ATP2C2: variants seen among roughly 807,000 people sequenced by gnomAD.
The protein encoded by ATP2C2 is calcium-transporting ATPase type 2C member 2.
ATP2C2 carries 171 observed loss-of-function variants against 110.8 expected under a neutral mutation model. The ratio of observed to expected loss-of-function variants is 1.54; its 90% CI spans 1.36 to 1.75. The LOEUF is 1.75. Among genes scored for constraint, ATP2C2 ranks in the 40% most tolerant of loss-of-function variants. The pLI, the probability that ATP2C2 is intolerant of heterozygous loss-of-function variation, is 0.00. For missense variants in ATP2C2, 1,963 were observed against 1,235.0 expected (o/e 1.59, Z -8.84); for synonymous variants, 804 against 508.4 (o/e 1.58, Z -7.82).
At chr16:84,387,774 G>A (rs1196409883) in intron 1 of ATP2C2, among the ~76,000 whole-genome samples, 1 of 152,010 alleles carries the variant, frequency 6.6e-6, no homozygotes, top group Non-Finnish European at 1.5e-5. Flanking sequence ...ACAGCTCTGG[G>A]TACATTTTAG....
Position 84,368,710 on chromosome 16 carries a change from C to G in ATP2C2, c.95C>G (p.Ala32Gly), listed in dbSNP as rs367638985. ...YQALEKDEEEALIDEQSELKA... is the reference protein window; with the variant it reads ...YQALEKDEEEGLIDEQSELKA... Reference sequence around the variant, plus strand: ...GCGCTGGAGAAGGACGAAGAGGAAGCCTTGGTGAGTCCCCGCGACTCCGCG... The same window carrying G: ...GCGCTGGAGAAGGACGAAGAGGAAGGCTTGGTGAGTCCCCGCGACTCCGCG... Residue 32 changes from alanine to glycine, a missense_variant, in exon 1 of 27, where the codon GCC becomes GGC. Physicochemically the swap from Ala to Gly is moderately conservative, Grantham distance 60. Transcript: ENST00000262429. 3.9e-6 allele frequency: 6 copies of G among 1,539,548 alleles called. No homozygotes were observed. The African/African-American group carries it at 8.6e-5, about 22-fold the overall frequency.
intron 1 of ATP2C2, 69 bp downstream of exon 1, chr16:84,368,783 G>A (rs1011081205): frequency 7.0e-6 from 9 of 1,284,152 alleles, no homozygotes; most frequent in Non-Finnish European, 8.4e-6. Context: ...AACCGTCCCC[G>A]GCCCGAGACC....
At chr16:84,413,098 CAAAA>C (rs35993245) in intron 6 of ATP2C2, among the ~76,000 whole-genome samples, 7 of 129,966 alleles carry the variant, frequency 5.4e-5, no homozygotes, top group Admixed American at 8.0e-5. Flanking sequence ...AACTCTGTCT[CAAAA>C]AAAAAAAAAA....
intron 1 of ATP2C2, among the ~76,000 whole-genome samples, chr16:84,387,309 C>T (rs7198847): frequency 0.18 from 27,511 of 152,044 alleles, 2,676 homozygotes; most frequent in South Asian, 0.29. Context: ...ATCACCTAAA[C>T]TCAGGAATTC....
At chr16:84,388,662 C>G (rs142134639) in intron 1 of ATP2C2, among the ~76,000 whole-genome samples, 1 of 152,330 alleles carries the variant, frequency 6.6e-6, no homozygotes, top group African/African-American at 2.4e-5. Context: ...GAAGCCCACT[C>G]GATTGTTTTG....
At chr16:84,452,639 C>T (rs1272731109) in intron 18 of ATP2C2, among the ~76,000 whole-genome samples, 1 of 151,792 alleles carries the variant, frequency 6.6e-6, no homozygotes, top group Non-Finnish European at 1.5e-5. Context: ...GCTGGGACTA[C>T]AGGCACCCAC....
chr16:84,443,436 C>A (rs1909452698), intron 15 of ATP2C2, among the ~76,000 whole-genome samples: 1 of 152,120 alleles, frequency 6.6e-6, no homozygotes. Flanking sequence ...TGATCAGAAC[C>A]CTCTCCATCA....
intron 11 of ATP2C2, chr16:84,426,051 T>A (rs1245887332): frequency 2.8e-6 from 1 of 358,880 alleles, no homozygotes; most frequent in Non-Finnish European, 5.1e-6. Context: ...CTTGCATTGC[T>A]AAAAAAAAAA....
chr16:84,439,546 A>G (rs1909056603), intron 13 of ATP2C2, 22 bp downstream of exon 13: 2 of 1,610,318 alleles, frequency 1.2e-6, no homozygotes, highest in South Asian at 1.1e-5. Flanking sequence ...AGGAATTTAC[A>G]AGCCTTAAGG....
chr16:84,375,622 G>A (rs930377240), intron 1 of ATP2C2, among the ~76,000 whole-genome samples: 3 of 152,058 alleles, frequency 2.0e-5, no homozygotes, highest in Admixed American at 2.0e-4. Context: ...GCTCACCCAC[G>A]TGGATTCCAC....
chr16:84,440,739 C>G, intron 13 of ATP2C2, 118 bp from the exon 14 acceptor site: 1 of 729,710 alleles, frequency 1.4e-6, no homozygotes, highest in East Asian at 2.7e-5. Context: ...TACTGAAAGC[C>G]CTGTCCACGT....
rs577184104 is a variant in ATP2C2, at chr16:84,427,106, C to T, written c.986+1305C>T. ...CCCATGTCTAGGCTCATGTCAGGCCCATTGGTTCCCAGACAGTAACGCACA... is the reference window on the plus strand; with the variant it reads ...CCCATGTCTAGGCTCATGTCAGGCCTATTGGTTCCCAGACAGTAACGCACA... On this transcript the variant is annotated intron_variant, in intron 11 of 26. Transcript: ENST00000262429. Among the ~76,000 whole-genome samples, 4 of 152,304 alleles carry T rather than the reference C, an allele frequency of 2.6e-5. No homozygotes were observed. In the East Asian group the frequency reaches 5.8e-4, roughly 22 times the overall value.
intron 7 of ATP2C2, among the ~76,000 whole-genome samples, chr16:84,422,017 A>G (rs907516644): frequency 6.6e-6 from 1 of 152,052 alleles, no homozygotes; most frequent in African/African-American, 2.4e-5. Context: ...ATTGTGTGGG[A>G]TTGTGTGGGA....
intron 21 of ATP2C2, among the ~76,000 whole-genome samples, chr16:84,458,653 A>G (rs369387586): frequency 6.6e-6 from 1 of 152,226 alleles, no homozygotes; most frequent in Non-Finnish European, 1.5e-5. Context: ...GCTTCCGCGA[A>G]GAGCCTTCTA....
At chr16:84,417,273 G>A (rs1906925569) in intron 7 of ATP2C2, among the ~76,000 whole-genome samples, 1 of 152,150 alleles carries the variant, frequency 6.6e-6, no homozygotes, top group South Asian at 2.1e-4. Flanking sequence ...TGCAGTGTGT[G>A]TTGGAAGTCA....
At chr16:84,461,840 G>A in intron 25 of ATP2C2, 28 bp downstream of exon 25, 2 of 1,610,472 alleles carry the variant, frequency 1.2e-6, no homozygotes, top group Non-Finnish European at 1.7e-6. Flanking sequence ...CCTCCTCGCT[G>A]CAGAGCTGCT....
At chr16:84,451,354 A>T (rs953113091) in intron 17 of ATP2C2, among the ~76,000 whole-genome samples, 4 of 152,208 alleles carry the variant, frequency 2.6e-5, no homozygotes, top group African/African-American at 9.7e-5. Context: ...GTGGGGACAC[A>T]GCCAAACCAT....
chr16:84,460,660 G>C lies in ATP2C2; in HGVS notation c.2340G>C (p.Gly780=). ...TGTGTCTTGTTCGGAGCAGCTTGGG[G>C]GTAGAGCCCGTTGACAAAGACGCCT... is the stretch of plus-strand genomic sequence containing the variant. ...IMDGPPAQSL[G]VEPVDKDAFR... Residue 780 remains glycine, a synonymous_variant, in exon 24 of 27, where the codon GGG becomes GGC. Coordinates refer to ENST00000262429, the MANE Select transcript of ATP2C2 (RefSeq NM_014861.4). 1 of 1,614,228 alleles carries C rather than the reference G, an allele frequency of 6.2e-7. No homozygotes were observed. Among genetic ancestry groups the C allele is most frequent in the Non-Finnish European group, 8.5e-7 (1 of 1,180,038 alleles).
At chr16:84,430,406 TGAGGCAGAC>T (rs1908165264) in intron 11 of ATP2C2, among the ~76,000 whole-genome samples, 4 of 61,782 alleles carry the variant, frequency 6.5e-5, no homozygotes, top group Admixed American at 1.6e-4. Context: ...TTTTGGACAC[TGAGGCAGAC>T]GGATCACTTG....
Sources: gnomAD v4.1 joint callset for allele counts (sites outside exome capture counted in the v4.1 genomes callset) on GRCh38, gnomAD v4.1.1 for gene constraint, MANE v1.5 for transcripts, NCBI Gene and HGNC (gene_info 2026-07-23, HGNC 2026-07-21) for gene names.